DYSF: variants seen among roughly 807,000 people sequenced by gnomAD.
The protein encoded by DYSF is dystrophy-associated fer-1-like 1.
DYSF carries 212 observed loss-of-function variants against 274.9 expected under a neutral mutation model. That is an observed-to-expected ratio of 0.77 (90% CI 0.69 to 0.86). The LOEUF is 0.86. Ranked by LOEUF, DYSF falls within the 40% of genes least tolerant of loss-of-function variation. The pLI is 0.00. For missense variants in DYSF, 2,666 were observed against 2,783.2 expected, an observed-to-expected ratio of 0.96 and a Z score of 0.95; for synonymous variants, 1,091 against 1,078.7, an observed-to-expected ratio of 1.01 and a Z score of -0.22.
intron 1 of DYSF, among the ~76,000 whole-genome samples, chr2:71,460,289 G>A (rs2081234234): frequency 6.6e-6 from 1 of 152,192 alleles, no homozygotes; most frequent in Non-Finnish European, 1.5e-5. Context: ...AAAGGGGGCC[G>A]GGGAGGCGTG....
chr2:71,560,651 C>T (rs549803041), intron 22 of DYSF, among the ~76,000 whole-genome samples: 1 of 152,362 alleles, frequency 6.6e-6, no homozygotes, highest in Admixed American at 6.5e-5. Context: ...CGCCGAGGGC[C>T]TGCCAGAGCG....
At chr2:71,591,418 C>T (rs112703050) in intron 32 of DYSF, among the ~76,000 whole-genome samples, 3 of 152,336 alleles carry the variant, frequency 2.0e-5, no homozygotes, top group African/African-American at 4.8e-5. Flanking sequence ...GAAATGGTCT[C>T]GTCTTACTTT....
chr2:71,579,110 C>T (rs2092805914), intron 30 of DYSF, among the ~76,000 whole-genome samples: 1 of 152,118 alleles, frequency 6.6e-6, no homozygotes, highest in Admixed American at 6.5e-5. Context: ...CCCCTGTGGC[C>T]ACAGCAGCCA....
upstream of DYSF, chr2:71,466,596 C>T: frequency 1.7e-6 from 2 of 1,210,490 alleles, no homozygotes; most frequent in African/African-American, 3.1e-5. Context: ...CCTGTCCCTC[C>T]CCGCCCGCCG....
chr2:71,508,171 A>C (rs1434511738), intron 4 of DYSF, among the ~76,000 whole-genome samples: 1 of 152,204 alleles, frequency 6.6e-6, no homozygotes, highest in Non-Finnish European at 1.5e-5. Context: ...AGATCTAGAC[A>C]AAAGTTGCCA....
At chr2:71,525,152 C>T (rs1460669237) in intron 12 of DYSF, among the ~76,000 whole-genome samples, 1 of 152,092 alleles carries the variant, frequency 6.6e-6, no homozygotes, top group African/African-American at 2.4e-5. Context: ...TACTCTCTCC[C>T]AGAAATTCTG....
rs368090051 is a variant in DYSF at position 71,620,564 on chromosome 2, G to C, written c.4482G>C (p.Ser1494=). The change falls in exon 41 of 56, where the codon TCG becomes TCC. Residue 1494 remains serine (S), a synonymous_variant. Transcript: ENST00000410020. ...ATTTGTAGCTTGCAGACGGTCTGTC[G>C]AGCTTGGCCCCCACTAACACGGCTT... ...LIPIQLADGL[S]SLAPTNTASP... 6.4e-7 allele frequency: 1 copy of C among 1,551,532 alleles called. No individual in the cohort carries two copies. Among genetic ancestry groups the C allele is most frequent in the African/African-American group, 1.4e-5 (1 of 73,012 alleles).
rs755781770 is a variant in DYSF at position 71,643,984 on chromosome 2, G to A, written c.4547G>A (p.Trp1516Ter). The A allele has an allele frequency of 3.1e-6, 5 of 1,611,426 alleles. No individual in the cohort carries two copies. In the South Asian group the frequency reaches 4.4e-5, roughly 14 times the overall value. Reference protein sequence around the residue: ...SSPHEEEFIDWWSKFFASIGE... With the variant: ...SSPHEEEFID Reference sequence around the variant, plus strand: ...ACTCAGGAGGAAGAGTTCATCGATTGGTGGAGCAAATTCTTTGCCTCCATA... The same window carrying A: ...ACTCAGGAGGAAGAGTTCATCGATTAGTGGAGCAAATTCTTTGCCTCCATA... The change falls in exon 42 of 56, where the codon TGG becomes TAG. Residue 1516 changes from tryptophan (W) to a stop codon, truncating the protein, a stop_gained. Transcript: ENST00000410020. LOFTEE classifies it high-confidence loss of function.
intron 12 of DYSF, among the ~76,000 whole-genome samples, chr2:71,521,338 G>T (rs1387429058): frequency 6.6e-6 from 1 of 152,214 alleles, no homozygotes. Context: ...AGAGGTATCT[G>T]CATCTTTCTA....
chr2:71,584,127 G>A (rs1183512878), intron 30 of DYSF, among the ~76,000 whole-genome samples: 1 of 152,026 alleles, frequency 6.6e-6, no homozygotes, highest in Non-Finnish European at 1.5e-5. Context: ...ATGTGACTGT[G>A]GGAAACCCAA....
chr2:71,502,570 C>A (rs956291004), intron 3 of DYSF, among the ~76,000 whole-genome samples: 2 of 152,116 alleles, frequency 1.3e-5, no homozygotes, highest in African/African-American at 4.8e-5. Flanking sequence ...CCAACCATCG[C>A]GCTGCTGACC....
intron 41 of DYSF, among the ~76,000 whole-genome samples, chr2:71,627,343 A>T (rs1282767867): frequency 2.0e-5 from 3 of 151,974 alleles, no homozygotes; most frequent in Non-Finnish European, 4.4e-5. Flanking sequence ...TTGACACCTA[A>T]ATTGTCTAAA....
chr2:71,659,673 G>T (rs2094841535), intron 44 of DYSF, among the ~76,000 whole-genome samples: 1 of 152,086 alleles, frequency 6.6e-6, no homozygotes, highest in Non-Finnish European at 1.5e-5. Flanking sequence ...CTTACATTTT[G>T]TGCCCAAGAT....
chr2:71,663,040 T>TGC (rs1558764025), intron 45 of DYSF, among the ~76,000 whole-genome samples: 3 of 150,554 alleles, frequency 2.0e-5, no homozygotes, highest in Non-Finnish European at 1.5e-5. Context: ...TGTGTGTGTG[T>TGC]GCGCGCACGC....
Position 71,612,650 on chromosome 2 carries a change from A to C in DYSF, c.4231A>C (p.Arg1411=), listed in dbSNP as rs1454394493. Residue 1411 remains arginine, a synonymous_variant, in exon 39 of 56, where the codon AGG becomes CGG. Transcript: ENST00000410020. ...CTLFMEVMLP[R]EELYCPPITV... Reference sequence around the variant, plus strand: ...TTCCTCCTCCACCCAGATGCTGCCCAGGGAGGAGCTCTACTGCCCCCCCAT... The same window carrying C: ...TTCCTCCTCCACCCAGATGCTGCCCCGGGAGGAGCTCTACTGCCCCCCCAT... 6.2e-7 allele frequency: 1 copy of C among 1,614,082 alleles called. No homozygotes were observed. Among genetic ancestry groups the C allele is most frequent in the East Asian group, 2.2e-5 (1 of 44,874 alleles).
chr2:71,539,481 G>A (rs985371836), intron 17 of DYSF, among the ~76,000 whole-genome samples: 4 of 152,208 alleles, frequency 2.6e-5, no homozygotes, highest in East Asian at 1.9e-4. Context: ...ATTCACTCCT[G>A]CAGAGAATAT....
chr2:71,589,829 G>A (rs1295174553), intron 31 of DYSF, 143 bp downstream of exon 31: 4 of 832,818 alleles, frequency 4.8e-6, no homozygotes, highest in Non-Finnish European at 6.2e-6. Context: ...AGTGCTGTGT[G>A]TATGTGTGTG....
At chr2:71,531,068 A>T (rs11894275) in intron 14 of DYSF, among the ~76,000 whole-genome samples, 121,615 of 151,618 alleles carry the variant, frequency 0.8, 50,206 homozygotes, top group African/African-American at 0.89. Flanking sequence ...GGACAGGAAG[A>T]TTTAAAACAA....
intron 1 of DYSF, among the ~76,000 whole-genome samples, chr2:71,475,929 C>A (rs1325779115): frequency 6.6e-6 from 1 of 152,058 alleles, no homozygotes; most frequent in Non-Finnish European, 1.5e-5. Context: ...CACCACTACA[C>A]CTGGCTAATT....
Sources: gnomAD v4.1 joint callset for allele counts (sites outside exome capture counted in the v4.1 genomes callset) on GRCh38, gnomAD v4.1.1 for gene constraint, MANE v1.5 for transcripts, NCBI Gene and HGNC (gene_info 2026-07-23, HGNC 2026-07-21) for gene names.